The following ZNF516 variants were observed in gnomAD, a reference collection of about 807,000 sequenced individuals.
The protein encoded by ZNF516 is zinc finger protein 516.
In ZNF516, 19 loss-of-function variants were observed where a neutral mutation model predicts 79.7. That is an observed-to-expected ratio of 0.24 (90% confidence interval 0.17 to 0.35). ZNF516 has a LOEUF of 0.35. Ranked by LOEUF, ZNF516 falls within the 10% of genes least tolerant of loss-of-function variation. The pLI, the probability that ZNF516 is intolerant of heterozygous loss-of-function variation, is 1.00. For synonymous variants in ZNF516, 877 were observed against 739.5 expected (o/e 1.19, Z -3.02); for missense variants, 1,678 against 1,679.5 (o/e 1.00, Z 0.02).
Position 76,388,564 on chromosome 18 carries a change from A to C in ZNF516, c.1811-8261T>G, listed in dbSNP as rs532951803. ...CGACCTCCCATGAGCCATCATGTACATTGATGACCCAGATGGAGAAAGGGA... is the reference window on the plus strand; with the variant it reads ...CGACCTCCCATGAGCCATCATGTACCTTGATGACCCAGATGGAGAAAGGGA... On this transcript the variant is annotated intron_variant, in intron 3 of 6. Coordinates refer to ENST00000443185, the MANE Select transcript of ZNF516 (RefSeq NM_014643.4). 1.5e-4 allele frequency: 23 copies of C among 152,416 alleles called. No individual in the cohort carries two copies. In the East Asian group the frequency reaches 4.1e-3, roughly 27 times the overall value. 9.4% of individuals were successfully genotyped at this position (152,416 alleles called of 1,614,324 possible).
chr18:76,476,103 T>G (rs936230506), intron 1 of ZNF516, among the ~76,000 whole-genome samples: 1 of 152,232 alleles, frequency 6.6e-6, no homozygotes, highest in Non-Finnish European at 1.5e-5. Flanking sequence ...TGTACTATTA[T>G]CTGAAAAGAA....
chr18:76,492,193 G>A, intron 1 of ZNF516: 1 of 985,424 alleles, frequency 1.0e-6, no homozygotes, highest in Non-Finnish European at 1.2e-6. Flanking sequence ...GCAACCCCGC[G>A]GTGCTCCCGG....
At chr18:76,485,916 A>AAATAATAGTAAT (rs1555721328) in intron 1 of ZNF516, among the ~76,000 whole-genome samples, 1 of 148,414 alleles carries the variant, frequency 6.7e-6, no homozygotes, top group African/African-American at 2.4e-5. Context: ...TTTTTGACAA[A>AAATAATAGTAAT]AATAATAATA....
intron 1 of ZNF516, among the ~76,000 whole-genome samples, chr18:76,473,355 C>CAAA (rs35092154): frequency 6.9e-3 from 605 of 87,514 alleles, no homozygotes; most frequent in East Asian, 9.5e-3. Context: ...TTGCTCTCTG[C>CAAA]AAAAAAAAAA....
At chr18:76,407,487 G>A (rs1360440886) in intron 3 of ZNF516, among the ~76,000 whole-genome samples, 1 of 152,132 alleles carries the variant, frequency 6.6e-6, no homozygotes, top group Non-Finnish European at 1.5e-5. Flanking sequence ...GTCGGGACAG[G>A]GGCTCGGGCG....
intron 2 of ZNF516, among the ~76,000 whole-genome samples, chr18:76,461,336 C>A (rs1913095877): frequency 6.6e-6 from 1 of 152,338 alleles, no homozygotes; most frequent in Admixed American, 6.5e-5. Flanking sequence ...ATCACCATGG[C>A]CGCAACAGGC....
intron 1 of ZNF516, among the ~76,000 whole-genome samples, chr18:76,470,703 C>T (rs1416040356): frequency 6.6e-6 from 1 of 152,228 alleles, no homozygotes; most frequent in African/African-American, 2.4e-5. Context: ...TACTGTAAGG[C>T]TTGCCCTGCA....
At chr18:76,454,275 T>C (rs1668993538) in intron 2 of ZNF516, among the ~76,000 whole-genome samples, 1 of 152,200 alleles carries the variant, frequency 6.6e-6, no homozygotes, top group South Asian at 2.1e-4. Flanking sequence ...AGCAATTGCT[T>C]ACGCATTTTT....
At position 76,467,073 on chromosome 18, in the gene ZNF516, C is replaced by T. The variant is rs1017908990; in HGVS notation, c.-271-3932G>A. On this transcript the variant is annotated intron_variant, in intron 1 of 6. Coordinates refer to ENST00000443185, the MANE Select transcript of ZNF516 (RefSeq NM_014643.4). The surrounding 1 kb of genome is among the most constrained non-coding windows in gnomAD (Gnocchi z 4.2). Reference sequence around the variant, plus strand: ...GGAAGTAAAATCAGGCAGAGGCAGCCGTGGCCTCGCTGAACCTGCAGCTGA... The same window carrying T: ...GGAAGTAAAATCAGGCAGAGGCAGCTGTGGCCTCGCTGAACCTGCAGCTGA... Among the ~76,000 whole-genome samples the T allele has an allele frequency of 6.6e-6, 1 of 152,072 alleles. No individual in the cohort carries two copies. Among genetic ancestry groups the T allele is most frequent in the Non-Finnish European group, 1.5e-5 (1 of 68,000 alleles).
chr18:76,470,470 T>C (rs927112179), intron 1 of ZNF516, among the ~76,000 whole-genome samples: 2 of 152,236 alleles, frequency 1.3e-5, no homozygotes, highest in African/African-American at 4.8e-5. Flanking sequence ...TGCACTGTTC[T>C]GATCCAAGGA....
intron 3 of ZNF516, among the ~76,000 whole-genome samples, chr18:76,409,009 A>G (rs911413394): frequency 1.3e-5 from 2 of 152,122 alleles, no homozygotes; most frequent in Non-Finnish European, 2.9e-5. Context: ...TTCAGAAAAC[A>G]AAGAAGCTAT....
intron 3 of ZNF516, among the ~76,000 whole-genome samples, chr18:76,395,336 C>T (rs1227286326): frequency 6.6e-6 from 1 of 152,174 alleles, no homozygotes; most frequent in Non-Finnish European, 1.5e-5. Context: ...GCTTTATCGC[C>T]ACTATCTAGC....
At chr18:76,484,935 G>A (rs1914743079) in intron 1 of ZNF516, among the ~76,000 whole-genome samples, 1 of 152,124 alleles carries the variant, frequency 6.6e-6, no homozygotes, top group Non-Finnish European at 1.5e-5. Context: ...ATTTACCGAG[G>A]CTAATTTTAA....
Position 76,442,881 on chromosome 18 carries a change from G to A in ZNF516, c.174C>T (p.Gly58=), listed in dbSNP as rs778346582. Residue 58 remains glycine (G), a synonymous_variant, in exon 3 of 7, where the codon GGC becomes GGT. Coordinates refer to ENST00000443185, the MANE Select transcript of ZNF516 (RefSeq NM_014643.4). ...AGTAGGGACACTTGTAGGGCTTCTC[G>A]CCCGTGTGCTTGCGCATGTGCTGCG... ...SLSQHMRKHT[G]EKPYKCPYCD... is the part of the protein sequence containing the mutation. The A allele has an allele frequency of 1.2e-6, 2 of 1,613,810 alleles. No individual in the cohort carries two copies. Among genetic ancestry groups the A allele is most frequent in the Admixed American group, 1.7e-5 (1 of 60,028 alleles).
chr18:76,448,930 A>G lies in ZNF516; in HGVS notation c.-157-5719T>C, dbSNP rs1332495714. ...GAGGGAAGCGATTCACTATATTTGCAAGGATTGGCCAGGTTTTCCCCTGGG... is the reference window on the plus strand; with the variant it reads ...GAGGGAAGCGATTCACTATATTTGCGAGGATTGGCCAGGTTTTCCCCTGGG... On this transcript the variant is annotated intron_variant, in intron 2 of 6. Transcript: ENST00000443185. Among the ~76,000 whole-genome samples the G allele has an allele frequency of 4.6e-5, 7 of 152,180 alleles. No homozygotes were observed. The East Asian group carries it at 1.3e-3, about 29-fold the overall frequency.
rs144980312 is a variant in ZNF516, at chr18:76,457,807, T to C, written c.-158+5221A>G. ...AAGGGTGCCAGAAATAATCAACATTTTTTTAAACCCAAGGAGGTTCCCTTT... is the reference window on the plus strand; with the variant it reads ...AAGGGTGCCAGAAATAATCAACATTCTTTTAAACCCAAGGAGGTTCCCTTT... On this transcript the variant is annotated intron_variant, in intron 2 of 6. Transcript: ENST00000443185. 1.3e-3 allele frequency among the ~76,000 whole-genome samples: 194 copies of C among 152,350 alleles called. 2 individuals carry two copies. The highest frequency in any genetic ancestry group is 4.3e-3 in the African/African-American group (177 of 41,574).
chr18:76,375,507 G>C (rs1375044918), intron 4 of ZNF516, among the ~76,000 whole-genome samples: 2 of 151,708 alleles, frequency 1.3e-5, no homozygotes, highest in African/African-American at 4.8e-5. Flanking sequence ...TGGATACCAG[G>C]TAGAGGATGG....
intron 4 of ZNF516, among the ~76,000 whole-genome samples, chr18:76,376,167 G>T (rs2074784085): frequency 6.6e-6 from 1 of 152,222 alleles, no homozygotes; most frequent in Non-Finnish European, 1.5e-5. Context: ...GTAGGCAAGG[G>T]AAGTTCACCA....
chr18:76,412,970 G>A (rs958185420), intron 3 of ZNF516, among the ~76,000 whole-genome samples: 5 of 152,200 alleles, frequency 3.3e-5, no homozygotes, highest in South Asian at 2.1e-4. Context: ...GCACGCCACC[G>A]CGGCCCACAG....
Sources: allele counts gnomAD v4.1 joint callset (sites outside exome capture counted in the v4.1 genomes callset), GRCh38; gene constraint gnomAD v4.1.1; non-coding constraint Gnocchi (gnomAD v3.1); transcripts MANE v1.5; gene names NCBI Gene and HGNC (gene_info 2026-07-23, HGNC 2026-07-21).